Variants in SPATS2L observed in about 807,000 individuals in gnomAD.
The protein encoded by SPATS2L is SPATS2-like protein.
In SPATS2L, 30 loss-of-function variants were observed where a neutral mutation model predicts 59.6. The ratio of observed to expected loss-of-function variants is 0.50; its 90% CI spans 0.38 to 0.68. The LOEUF (loss-of-function observed/expected upper bound fraction) is 0.68, where lower values mean the gene tolerates loss of function less well. Among genes scored for constraint, SPATS2L ranks in the 30% least tolerant of loss-of-function variants. The pLI is 0.00. For synonymous variants in SPATS2L, 252 were observed against 263.5 expected, an observed-to-expected ratio of 0.96 and a Z score of 0.42; for missense variants, 615 against 700.0, an observed-to-expected ratio of 0.88 and a Z score of 1.37.
At position 200,344,318 on chromosome 2, in the gene SPATS2L, A is replaced by G. The variant is rs1343824758; in HGVS notation, c.-23+14838A>G. On this transcript the variant is annotated intron_variant, in intron 2 of 12. Coordinates refer to ENST00000409140, the MANE Select transcript of SPATS2L (RefSeq NM_001100423.2). ...TCCCACTTATAAGTGAGAACACACA[A>G]CATTTTGTTTTCTGTTCCTATGTTA... Among the ~76,000 whole-genome samples the G allele has an allele frequency of 4.6e-5, 7 of 152,220 alleles. No homozygotes were observed. In the East Asian group the frequency reaches 1.2e-3, roughly 25 times the overall value.
At chr2:200,391,774 G>A (rs575888043) in intron 3 of SPATS2L, among the ~76,000 whole-genome samples, 16 of 152,278 alleles carry the variant, frequency 1.1e-4, no homozygotes, top group African/African-American at 3.9e-4. Context: ...TGGAGGAACA[G>A]GGCTTCAAAC....
At chr2:200,359,223 G>T (rs578154993) in intron 2 of SPATS2L, among the ~76,000 whole-genome samples, 1 of 152,186 alleles carries the variant, frequency 6.6e-6, no homozygotes, top group East Asian at 1.9e-4. Flanking sequence ...ACTGAGGCTT[G>T]ATCATATTCT....
chr2:200,343,485 T>A (rs1472056578), intron 2 of SPATS2L, among the ~76,000 whole-genome samples: 1 of 152,238 alleles, frequency 6.6e-6, no homozygotes, highest in African/African-American at 2.4e-5. Context: ...GATAGGCAAG[T>A]AACTCAAGTA....
intron 12 of SPATS2L, among the ~76,000 whole-genome samples, chr2:200,474,356 C>CT (rs976343662): frequency 5.4e-5 from 8 of 147,526 alleles, no homozygotes; most frequent in South Asian, 2.1e-4. Flanking sequence ...TTTTTTTTTT[C>CT]TTTTTTTTGG....
In SPATS2L at chr2:200,356,474, G is replaced by T. The variant is rs927736971; in HGVS notation, c.-23+26994G>T. On this transcript the variant is annotated intron_variant, in intron 2 of 12. Coordinates refer to ENST00000409140, the MANE Select transcript of SPATS2L (RefSeq NM_001100423.2). Reference sequence around the variant, plus strand: ...AAAAAACATGTGTTAAGAATTATAAGTGTTTAGCTTAGAAGGAGGGAAAAA... The same window carrying T: ...AAAAAACATGTGTTAAGAATTATAATTGTTTAGCTTAGAAGGAGGGAAAAA... Among the ~76,000 whole-genome samples the T allele has an allele frequency of 2.0e-5, 3 of 152,232 alleles. No individual in the cohort carries two copies. In the East Asian group the frequency reaches 5.8e-4, roughly 29 times the overall value.
rs376312723 is a variant in SPATS2L, at chr2:200,472,902, C to T, written c.1131C>T (p.His377=). 1.4e-5 allele frequency: 22 copies of T among 1,613,758 alleles called. No homozygotes were observed. In the East Asian group the frequency reaches 2.0e-4, roughly 15 times the overall value. ...CCCTGCTGCCTCTGCTGAATGCGCA[C>T]GCAGCAACCTCTGGGAAACAGAGTA... is the stretch of plus-strand genomic sequence containing the variant. ...CSSLLPLLNA[H]AATSGKQSNF... The change falls in exon 12 of 13, where the codon CAC becomes CAT. Residue 377 remains histidine (H), a synonymous_variant. Coordinates refer to ENST00000409140, the MANE Select transcript of SPATS2L (RefSeq NM_001100423.2).
chr2:200,412,420 G>GCAGTGCAATTCAAGTTC lies in SPATS2L; in HGVS notation c.148+1_148+2insCAGTGCAATTCAAGTTC, dbSNP rs2105988762. On this transcript the variant is annotated splice_donor_variant, in intron 4 of 12. Coordinates refer to ENST00000409140, the MANE Select transcript of SPATS2L (RefSeq NM_001100423.2). LOFTEE classifies it high-confidence loss of function. The stretch of plus-strand genomic sequence containing the variant: ...AAAGCCGTGCAAGCCTTTGTGGATG[G>GCAGTGCAATTCAAGTTC]TAGGTATACCTGTACCCTGCAGCTG... 2 of 1,558,462 alleles carry GCAGTGCAATTCAAGTTC rather than the reference G, an allele frequency of 1.3e-6. No individual in the cohort carries two copies. The highest frequency in any genetic ancestry group is 8.8e-7 in the Non-Finnish European group (1 of 1,137,910).
chr2:200,424,486 CACAAAA>C (rs975080034), intron 6 of SPATS2L, among the ~76,000 whole-genome samples: 5 of 150,802 alleles, frequency 3.3e-5, no homozygotes, highest in East Asian at 1.9e-4. Context: ...AAATCCCTAT[CACAAAA>C]ACAAAAACAA....
intron 2 of SPATS2L, 60 bp downstream of exon 2, chr2:200,329,540 C>T: frequency 1.4e-6 from 2 of 1,442,162 alleles, no homozygotes; most frequent in South Asian, 1.2e-5. Flanking sequence ...GCCAGCTGTC[C>T]CTACACCTGC....
chr2:200,431,382 A>C (rs2106062966), intron 6 of SPATS2L, among the ~76,000 whole-genome samples: 1 of 152,360 alleles, frequency 6.6e-6, no homozygotes, highest in Non-Finnish European at 1.5e-5. Flanking sequence ...TACTTTTTAA[A>C]GAATGGTAAC....
At chr2:200,364,824 G>A (rs950615662) in intron 2 of SPATS2L, among the ~76,000 whole-genome samples, 1 of 152,178 alleles carries the variant, frequency 6.6e-6, no homozygotes, top group African/African-American at 2.4e-5. Context: ...CAGTCATCCC[G>A]GTGAGTGCAG....
chr2:200,321,140 A>G (rs2079547918), intron 1 of SPATS2L, among the ~76,000 whole-genome samples: 1 of 152,008 alleles, frequency 6.6e-6, no homozygotes, highest in Non-Finnish European at 1.5e-5. Flanking sequence ...TCAGATGTGC[A>G]TTTGTGTGAG....
At chr2:200,455,942 A>G (rs142584507) in intron 8 of SPATS2L, among the ~76,000 whole-genome samples, 1 of 152,272 alleles carries the variant, frequency 6.6e-6, no homozygotes, top group East Asian at 1.9e-4. Context: ...GGATTTAGGC[A>G]TGGTCTTTCC....
At chr2:200,430,341 A>G (rs1407014282) in intron 6 of SPATS2L, among the ~76,000 whole-genome samples, 2 of 152,078 alleles carry the variant, frequency 1.3e-5, no homozygotes, top group Non-Finnish European at 2.9e-5. Flanking sequence ...GTAAGTTGCT[A>G]TGTTGCTTTT....
intron 1 of SPATS2L, among the ~76,000 whole-genome samples, chr2:200,307,272 G>A (rs1386800750): frequency 6.6e-6 from 1 of 151,510 alleles, no homozygotes; most frequent in Non-Finnish European, 1.5e-5. Context: ...GCCCGCGGCC[G>A]CCGTCCCTCG....
At chr2:200,445,468 G>A (rs116687699) in intron 8 of SPATS2L, among the ~76,000 whole-genome samples, 1 of 152,158 alleles carries the variant, frequency 6.6e-6, no homozygotes, top group Non-Finnish European at 1.5e-5. Context: ...TTATCAATGT[G>A]GTCAACAGGT....
intron 2 of SPATS2L, among the ~76,000 whole-genome samples, chr2:200,335,207 A>G (rs1211469683): frequency 3.3e-5 from 5 of 152,146 alleles, no homozygotes; most frequent in Non-Finnish European, 7.4e-5. Flanking sequence ...TGTATATTCA[A>G]GTGGCTGAAA....
chr2:200,415,571 A>G (rs1012359580), intron 4 of SPATS2L, among the ~76,000 whole-genome samples: 2 of 152,184 alleles, frequency 1.3e-5, no homozygotes, highest in African/African-American at 2.4e-5. Flanking sequence ...CCTTCAGCAC[A>G]GTGGGAATGA....
intron 8 of SPATS2L, among the ~76,000 whole-genome samples, chr2:200,447,720 A>T (rs2085143528): frequency 6.6e-6 from 1 of 152,196 alleles, no homozygotes; most frequent in Non-Finnish European, 1.5e-5. Flanking sequence ...GTTGTACAGT[A>T]ATAAGATGAT....
Sources: gnomAD v4.1 joint callset for allele counts (sites outside exome capture counted in the v4.1 genomes callset) on GRCh38, gnomAD v4.1.1 for gene constraint, MANE v1.5 for transcripts, NCBI Gene and HGNC (gene_info 2026-07-23, HGNC 2026-07-21) for gene names.